APPL1: variants seen among roughly 807,000 people sequenced by gnomAD.
APPL1 encodes adaptor protein, phosphotyrosine interacting with PH domain and leucine zipper 1.
Under a neutral mutation model 106.8 loss-of-function variants are expected in APPL1, and 42 were observed. The ratio of observed to expected loss-of-function variants is 0.39; its 90% CI spans 0.31 to 0.51. The LOEUF is 0.51. Ranked by LOEUF, APPL1 falls within the 20% of genes least tolerant of loss-of-function variation. APPL1 has a pLI of 0.75. For missense variants in APPL1, 769 were observed against 858.2 expected, an observed-to-expected ratio of 0.90 and a Z score of 1.30; for synonymous variants, 263 against 281.8, an observed-to-expected ratio of 0.93 and a Z score of 0.67.
At chr3:57,231,721 T>G (rs979142875) in intron 1 of APPL1, among the ~76,000 whole-genome samples, 3 of 150,708 alleles carry the variant, frequency 2.0e-5, no homozygotes, top group African/African-American at 7.3e-5. Flanking sequence ...GGCAGGAGGA[T>G]CGATTGAGTC....
In APPL1 at chr3:57,267,727, T is replaced by G. The variant is rs2060902610; in HGVS notation, c.1843-15T>G. 6.2e-7 allele frequency: 1 copy of G among 1,613,192 alleles called. No individual in the cohort carries two copies. The highest frequency in any genetic ancestry group is 1.3e-5 in the African/African-American group (1 of 74,916). ...TGAGAACTGCCTGAATTTTTCATAC[T>G]TTTTCTCTTTTTAGATATGTGATTC... On this transcript the variant is annotated splice_polypyrimidine_tract_variant and intron_variant, in intron 19 of 21. Transcript: ENST00000288266.
Position 57,238,046 on chromosome 3 carries a change from GT to G in APPL1, c.219del (p.Pro74HisfsTer9). 6.2e-7 allele frequency: 1 copy of G among 1,607,224 alleles called. No homozygotes were observed. The highest frequency in any genetic ancestry group is 1.1e-5 in the South Asian group (1 of 88,978). ...SKLLKEYEKQRFPLGGDDEVM... is the reference protein window; with the variant it reads ...SKLLKEYEKQXFPLGGDDEVM... ...CCTCATCTGTTTCTTGCTTTTCAGC[GT>G]TTTCCATTGGGAGGTGATGATGAAG... On this transcript the variant is annotated frameshift_variant and splice_region_variant, in exon 4 of 22. Coordinates refer to ENST00000288266, the MANE Select transcript of APPL1 (RefSeq NM_012096.3). LOFTEE classifies it high-confidence loss of function.
intron 1 of APPL1, among the ~76,000 whole-genome samples, chr3:57,234,797 A>G (rs1323021510): frequency 6.6e-6 from 1 of 151,832 alleles, no homozygotes; most frequent in Admixed American, 6.6e-5. Flanking sequence ...CTGTGACTAC[A>G]GGCACGTGCC....
In APPL1 at chr3:57,237,886, T is replaced by C. The variant is rs553485692; in HGVS notation, c.214-159T>C. Among the ~76,000 whole-genome samples the C allele has an allele frequency of 1.8e-3, 271 of 152,298 alleles. 1 individual carries two copies. Among genetic ancestry groups the C allele is most frequent in the Non-Finnish European group, 3.1e-3 (212 of 68,018 alleles). ...TTGCTTACTTAATAAACAATTAATG[T>C]TTATTATATACATTACACAATTTTA... On this transcript the variant is annotated intron_variant, in intron 3 of 21. Transcript: ENST00000288266.
At chr3:57,247,947 A>C (rs2060783602) in intron 9 of APPL1, among the ~76,000 whole-genome samples, 1 of 152,210 alleles carries the variant, frequency 6.6e-6, no homozygotes, top group Non-Finnish European at 1.5e-5. Flanking sequence ...AACAGTTTGA[A>C]AATTACGCCA....
At chr3:57,229,476 T>G (rs915949307) in intron 1 of APPL1, among the ~76,000 whole-genome samples, 5 of 146,658 alleles carry the variant, frequency 3.4e-5, no homozygotes, top group Non-Finnish European at 6.0e-5. Flanking sequence ...AGAATTGTGG[T>G]TTTTTTTTTT....
intron 7 of APPL1, 110 bp from the exon 8 acceptor site, chr3:57,245,966 A>C: frequency 1.5e-6 from 1 of 682,740 alleles, no homozygotes; most frequent in Non-Finnish European, 2.2e-6. Context: ...TGCTTGTGAT[A>C]CTCAATTCCT....
intron 16 of APPL1, 27 bp from the exon 17 acceptor site, chr3:57,259,818 T>A (rs966876681): frequency 1.1e-5 from 16 of 1,466,282 alleles, no homozygotes; most frequent in East Asian, 7.4e-5. Context: ...AAAAAAAAAA[T>A]ATGTAATACA....
chr3:57,233,319 CTAACTT>C (rs2060698398), intron 1 of APPL1, among the ~76,000 whole-genome samples: 1 of 152,118 alleles, frequency 6.6e-6, no homozygotes, highest in South Asian at 2.1e-4. Flanking sequence ...TTTTAAGCTA[CTAACTT>C]TAAACAAACA....
chr3:57,269,620 T>G lies in APPL1; in HGVS notation c.2063T>G (p.Leu688Arg). The change falls in exon 22 of 22, where the codon CTT (leucine) becomes CGT (arginine). Residue 688 changes from leucine to arginine, a missense_variant. Coordinates refer to ENST00000288266, the MANE Select transcript of APPL1 (RefSeq NM_012096.3). ...AGTAGTGAGGGGCAGTTTGTTGTCC[T>G]TAGCAGTAGCCAGTCAGAAGAGAGT... ...QASSEGQFVV[L>R]SSSQSEESDL... The G allele has an allele frequency of 6.2e-7, 1 of 1,614,120 alleles. No individual in the cohort carries two copies. The highest frequency in any genetic ancestry group is 1.3e-5 in the African/African-American group (1 of 75,050).
chr3:57,268,495 G>A lies in APPL1; in HGVS notation c.1983+8G>A. ...CAAAAACAGATTGAAAAGGTATACA[G>A]TCCTAATGTCTGGATCTTTATGTGT... On this transcript the variant is annotated splice_region_variant and intron_variant, in intron 21 of 21. Transcript: ENST00000288266. 6.3e-7 allele frequency: 1 copy of A among 1,582,362 alleles called. No individual in the cohort carries two copies.
intron 2 of APPL1, among the ~76,000 whole-genome samples, chr3:57,236,865 A>AT (rs1559507264): frequency 6.6e-6 from 1 of 151,950 alleles, no homozygotes; most frequent in African/African-American, 2.4e-5. Flanking sequence ...TACAAGTTTT[A>AT]TTTTTTTCCC....
chr3:57,272,145 G>GAA lies in APPL1; in HGVS notation c.*2461_*2462dup, dbSNP rs2060946022. 1 of 152,154 alleles carries GAA rather than the reference G, an allele frequency of 6.6e-6. No individual in the cohort carries two copies. The highest frequency in any genetic ancestry group is 6.5e-5 in the Admixed American group (1 of 15,278). The allele number at this position is 152,154 out of a possible 1,614,324, so 9.4% of individuals were successfully genotyped here. A position where few individuals can be genotyped will look rare whatever the true frequency, so the allele number is the denominator to read the frequency against. ...AATCAACAAAACTCCTTTTTAAAAAGAAAAGATATTAAGCCTGCCTACTTC... is the reference window on the plus strand; with the variant it reads ...AATCAACAAAACTCCTTTTTAAAAAGAAAAAAGATATTAAGCCTGCCTACTTC... On this transcript the variant is annotated 3_prime_UTR_variant, in exon 22 of 22. Transcript: ENST00000288266.
chr3:57,267,703 G>T, intron 19 of APPL1, 39 bp from the exon 20 acceptor site: 1 of 1,593,702 alleles, frequency 6.3e-7, no homozygotes. Flanking sequence ...GCTTTGTTGT[G>T]AGAACTGCCT....
chr3:57,233,054 G>A (rs1225009844), intron 1 of APPL1, among the ~76,000 whole-genome samples: 1 of 151,956 alleles, frequency 6.6e-6, no homozygotes, highest in African/African-American at 2.4e-5. Context: ...CATAAGATTC[G>A]AACTCTGTGA....
intron 1 of APPL1, among the ~76,000 whole-genome samples, chr3:57,231,232 G>A (rs2060685138): frequency 1.3e-5 from 2 of 150,682 alleles, no homozygotes; most frequent in South Asian, 2.1e-4. Context: ...CCAGCTACTC[G>A]GGAAGCTGAG....
chr3:57,268,313 G>C, intron 20 of APPL1, 85 bp from the exon 21 acceptor site: 1 of 1,307,190 alleles, frequency 7.6e-7, no homozygotes, highest in Non-Finnish European at 1.0e-6. Context: ...AATATTGAAA[G>C]GTTACCATGT....
rs10662232 is a variant in APPL1 at position 57,269,450 on chromosome 3, A to AGAATT, written c.1984-88_1984-87insTTGAA. ...AGTATGCATACATATTTATGACAGA[A>AGAATT]GAAGTGGCTCTCAAGAATGTATCTT... is the stretch of plus-strand genomic sequence containing the variant. On this transcript the variant is annotated intron_variant, in intron 21 of 21. Coordinates refer to ENST00000288266, the MANE Select transcript of APPL1 (RefSeq NM_012096.3). 256,450 of 1,344,606 alleles carry AGAATT rather than the reference A, an allele frequency of 0.19. 31,841 individuals are homozygous for AGAATT. Among genetic ancestry groups the AGAATT allele is most frequent in the African/African-American group, 0.58 (38,955 of 67,660 alleles). The allele number at this position is 1,344,606 out of a possible 1,614,324, so 83.3% of individuals were successfully genotyped here.
chr3:57,268,444 A>G lies in APPL1; in HGVS notation c.1940A>G (p.Glu647Gly), dbSNP rs375301727. 6.0e-5 allele frequency: 97 copies of G among 1,604,622 alleles called. No homozygotes were observed. Among genetic ancestry groups the G allele is most frequent in the Non-Finnish European group, 7.8e-5 (92 of 1,174,998 alleles). ...EKQKEIERVKEKQQKELNKQK... is the reference protein window; with the variant it reads ...EKQKEIERVKGKQQKELNKQK... Reference sequence around the variant, plus strand: ...CAAAAAGAAATAGAGAGAGTAAAAGAGAAGCAACAGAAAGAACTCAATAAA... The same window carrying G: ...CAAAAAGAAATAGAGAGAGTAAAAGGGAAGCAACAGAAAGAACTCAATAAA... The change falls in exon 21 of 22, where the codon GAG (glutamate) becomes GGG (glycine). Residue 647 changes from glutamate (E) to glycine (G), a missense_variant. By Grantham distance (98) the Glu-to-Gly change is moderately conservative. Transcript: ENST00000288266.
Sources: allele counts gnomAD v4.1 joint callset (sites outside exome capture counted in the v4.1 genomes callset), GRCh38; gene constraint gnomAD v4.1.1; transcripts MANE v1.5; gene names NCBI Gene and HGNC (gene_info 2026-07-23, HGNC 2026-07-21).